Variants in RGS17 observed in about 807,000 individuals in gnomAD.
RGS17 encodes regulator of G protein signaling 17.
In RGS17, 12 loss-of-function variants were observed where a neutral mutation model predicts 25.5. That is an observed-to-expected ratio of 0.47 (90% CI 0.30 to 0.76). The LOEUF (loss-of-function observed/expected upper bound fraction) is 0.76, where lower values mean the gene tolerates loss of function less well. Among genes scored for constraint, RGS17 ranks in the 30% least tolerant of loss-of-function variants. The pLI is 0.07. For missense variants in RGS17, 196 were observed against 242.2 expected (o/e 0.81, Z 1.27); for synonymous variants, 71 against 76.9 (o/e 0.92, Z 0.40).
At chr6:153,025,326 G>C (rs189922158) in intron 3 of RGS17, among the ~76,000 whole-genome samples, 3 of 151,786 alleles carry the variant, frequency 2.0e-5, no homozygotes, top group Admixed American at 1.3e-4. Context: ...AAAAAAAAAG[G>C]TTTTTTTCCT....
At chr6:153,047,293 T>C (rs1776397481) in intron 1 of RGS17, among the ~76,000 whole-genome samples, 1 of 152,198 alleles carries the variant, frequency 6.6e-6, no homozygotes, top group African/African-American at 2.4e-5. Context: ...CTTAATGACC[T>C]GGCTAAAATA....
intron 4 of RGS17, among the ~76,000 whole-genome samples, chr6:153,014,329 GA>G (rs1333051385): frequency 1.3e-5 from 2 of 151,590 alleles, no homozygotes; most frequent in East Asian, 3.9e-4. Flanking sequence ...ACTGCTCAAA[GA>G]AAAAAAAGAT....
rs528275696 is a variant in RGS17 at position 153,086,203 on chromosome 6, A to G, written c.-25-42160T>C. Among the ~76,000 whole-genome samples the G allele has an allele frequency of 2.6e-5, 4 of 152,342 alleles. No homozygotes were observed. The East Asian group carries it at 7.7e-4, about 29-fold the overall frequency. ...TACTAAAAAAACACAGAATGACATG[A>G]TGCCATGATTCATCATACTCAATAT... On this transcript the variant is annotated intron_variant, in intron 1 of 4. Transcript: ENST00000206262.
intron 1 of RGS17, 97 bp from the exon 2 acceptor site, chr6:153,044,140 G>A (rs965503568): frequency 3.0e-6 from 2 of 674,278 alleles, no homozygotes. Context: ...AAGGAGGGAG[G>A]TAATTTAAGA....
intron 1 of RGS17, among the ~76,000 whole-genome samples, chr6:153,091,475 A>AT (rs35909335): frequency 0.046 from 6,750 of 145,688 alleles, 366 homozygotes; most frequent in African/African-American, 0.13. Flanking sequence ...TACTTTACAG[A>AT]TTTTTTTTTT....
intron 1 of RGS17, among the ~76,000 whole-genome samples, chr6:153,114,660 C>G (rs1196559212): frequency 6.6e-6 from 1 of 152,182 alleles, no homozygotes; most frequent in Non-Finnish European, 1.5e-5. Flanking sequence ...CCCTGATGAA[C>G]ATCGACGCGA....
chr6:153,032,067 A>C (rs1779369286), intron 2 of RGS17, among the ~76,000 whole-genome samples: 2 of 152,118 alleles, frequency 1.3e-5, no homozygotes, highest in African/African-American at 4.8e-5. Flanking sequence ...AGGAGAATAG[A>C]ACTGATGTTT....
intron 1 of RGS17, among the ~76,000 whole-genome samples, chr6:153,078,406 G>GTATT (rs1458982024): frequency 2.5e-4 from 38 of 152,102 alleles, no homozygotes; most frequent in Non-Finnish European, 4.4e-4. Flanking sequence ...CATGAACATG[G>GTATT]TATCTCTTCA....
intron 1 of RGS17, among the ~76,000 whole-genome samples, chr6:153,066,517 C>A (rs1230968568): frequency 6.6e-6 from 1 of 152,014 alleles, no homozygotes; most frequent in Non-Finnish European, 1.5e-5. Flanking sequence ...TATCTTGATA[C>A]CAAAACCAGA....
intron 3 of RGS17, 126 bp from the exon 4 acceptor site, chr6:153,024,622 A>T (rs1779280632): frequency 1.4e-6 from 1 of 696,814 alleles, no homozygotes; most frequent in Non-Finnish European, 2.4e-6. Flanking sequence ...GTATTTTGCC[A>T]CTCAGTCCAG....
intron 1 of RGS17, among the ~76,000 whole-genome samples, chr6:153,110,177 A>G (rs1777446286): frequency 6.6e-6 from 1 of 151,988 alleles, no homozygotes; most frequent in Non-Finnish European, 1.5e-5. Flanking sequence ...TCTACTACCC[A>G]CCTCAGGCTG....
chr6:153,127,697 T>C (rs747810818), intron 1 of RGS17, among the ~76,000 whole-genome samples: 1 of 152,112 alleles, frequency 6.6e-6, no homozygotes, highest in Non-Finnish European at 1.5e-5. Context: ...GGGAAACAAA[T>C]CAGTAATATA....
chr6:153,020,138 ATTTTTTTTTTTTTTT>A (rs35590788), intron 4 of RGS17, among the ~76,000 whole-genome samples: 138 of 39,130 alleles, frequency 3.5e-3, no homozygotes, highest in South Asian at 6.6e-3. Context: ...ATATATATAT[ATTTTTTTTTTTTTTT>A]TTTTTTTTTT....
intron 1 of RGS17, among the ~76,000 whole-genome samples, chr6:153,106,976 C>T (rs1214013443): frequency 6.6e-6 from 1 of 152,070 alleles, no homozygotes; most frequent in Non-Finnish European, 1.5e-5. Flanking sequence ...CAGAGTTCTA[C>T]AGCCAGAGCT....
At chr6:153,033,627 G>A (rs1462614476) in intron 2 of RGS17, among the ~76,000 whole-genome samples, 1 of 152,110 alleles carries the variant, frequency 6.6e-6, no homozygotes, top group African/African-American at 2.4e-5. Flanking sequence ...CTGAGGCACA[G>A]AAATCGCTTG....
Position 153,123,525 on chromosome 6 carries a change from G to A in RGS17, c.-26+7599C>T, listed in dbSNP as rs531695742. On this transcript the variant is annotated intron_variant, in intron 1 of 4. Transcript: ENST00000206262. ...AAATCATACAAAATCTTTCCAGATC[G>A]GAGCAAATCTAACTGCTAGATTTAG... Among the ~76,000 whole-genome samples, 7 of 152,180 alleles carry A rather than the reference G, an allele frequency of 4.6e-5. No homozygotes were observed. The East Asian group carries it at 1.2e-3, about 25-fold the overall frequency.
intron 1 of RGS17, among the ~76,000 whole-genome samples, chr6:153,073,643 T>G (rs1776838171): frequency 6.6e-6 from 1 of 152,208 alleles, no homozygotes; most frequent in South Asian, 2.1e-4. Context: ...CAGAGAGGGA[T>G]GGGTGGAGAG....
intron 1 of RGS17, among the ~76,000 whole-genome samples, chr6:153,063,921 A>G (rs538818398): frequency 7.4e-4 from 112 of 152,118 alleles, no homozygotes; most frequent in Middle Eastern, 3.4e-3. Flanking sequence ...GTTACAGGCC[A>G]GGAGAGAGTG....
chr6:153,082,022 GGTT>G (rs1181223727), intron 1 of RGS17, among the ~76,000 whole-genome samples: 2 of 152,138 alleles, frequency 1.3e-5, no homozygotes, highest in African/African-American at 2.4e-5. Flanking sequence ...AAAGATTCCT[GGTT>G]GTTTCTTTCA....
Sources: allele counts gnomAD v4.1 joint callset (sites outside exome capture counted in the v4.1 genomes callset), GRCh38; gene constraint gnomAD v4.1.1; transcripts MANE v1.5; gene names NCBI Gene and HGNC (gene_info 2026-07-23, HGNC 2026-07-21).